The following BAALC variants were observed in gnomAD, a reference collection of about 807,000 sequenced individuals.
BAALC encodes brain and acute leukemia cytoplasmic protein.
A neutral mutation model predicts 15.5 loss-of-function variants in BAALC; 9 were observed. That is an observed-to-expected ratio of 0.58 (90% CI 0.35 to 1.02). BAALC has a LOEUF of 1.02. BAALC is among the 50% of genes least tolerant of loss of function. The pLI is 0.02. For missense variants in BAALC, 201 were observed against 192.4 expected, an observed-to-expected ratio of 1.04 and a Z score of -0.27; for synonymous variants, 80 against 74.6, an observed-to-expected ratio of 1.07 and a Z score of -0.37.
Position 103,140,915 on chromosome 8 carries a change from C to T in BAALC, c.18C>T (p.Ser6=), listed in dbSNP as rs762540525. ...GCAGGAGGATGGGCTGCGGCGGGAG[C>T]CGGGCGGATGCCATCGAGCCCCGCT... MGCGG[S]RADAIEPRYY... Residue 6 remains serine (S), a synonymous_variant, in exon 1 of 3, where the codon AGC becomes AGT. Coordinates refer to ENST00000309982, the MANE Select transcript of BAALC (RefSeq NM_024812.3). This position sits in a 1 kb window ranked among gnomAD's most constrained non-coding sequence, Gnocchi z 4.2. 2.6e-6 allele frequency: 4 copies of T among 1,518,170 alleles called. No individual in the cohort carries two copies. Among genetic ancestry groups the T allele is most frequent in the African/African-American group, 2.9e-5 (2 of 69,126 alleles). The allele number at this position is 1,518,170 out of a possible 1,614,324, so 94.0% of individuals were successfully genotyped here. A position where few individuals can be genotyped will look rare whatever the true frequency, so the allele number is the denominator to read the frequency against.
intron 1 of BAALC, among the ~76,000 whole-genome samples, chr8:103,193,989 A>G: frequency 6.6e-6 from 1 of 152,248 alleles, no homozygotes; most frequent in East Asian, 1.9e-4. Flanking sequence ...GAGATATGCC[A>G]ATGAAGAAAG....
chr8:103,226,859 T>C (rs1812817182), intron 2 of BAALC, among the ~76,000 whole-genome samples: 1 of 152,100 alleles, frequency 6.6e-6, no homozygotes, highest in Admixed American at 6.6e-5. Context: ...AGAGAGATAA[T>C]ATTATTATTC....
At chr8:103,192,114 C>G (rs1324374107) in intron 1 of BAALC, among the ~76,000 whole-genome samples, 1 of 152,112 alleles carries the variant, frequency 6.6e-6, no homozygotes, top group East Asian at 1.9e-4. Flanking sequence ...TGCAATGGTG[C>G]GATCTCAGCT....
intron 1 of BAALC, among the ~76,000 whole-genome samples, chr8:103,197,636 C>T (rs1812124292): frequency 6.6e-6 from 1 of 152,158 alleles, no homozygotes. Flanking sequence ...CATGGTTCTG[C>T]AGGCTTTACA....
intron 2 of BAALC, among the ~76,000 whole-genome samples, chr8:103,222,206 A>C (rs1812691770): frequency 6.6e-6 from 1 of 152,060 alleles, no homozygotes; most frequent in Non-Finnish European, 1.5e-5. Context: ...GCAGGTTGTA[A>C]ATTTTTTACA....
At chr8:103,198,877 C>A (rs1812152649) in intron 1 of BAALC, among the ~76,000 whole-genome samples, 1 of 152,206 alleles carries the variant, frequency 6.6e-6, no homozygotes, top group Non-Finnish European at 1.5e-5. Context: ...TGCCACTGCA[C>A]TCCAGCCTAG....
chr8:103,190,247 G>C (rs551239462), intron 1 of BAALC, among the ~76,000 whole-genome samples: 2 of 152,302 alleles, frequency 1.3e-5, no homozygotes, highest in South Asian at 4.2e-4. Context: ...ATGTGAGAAA[G>C]TTAGACTTTC....
intron 1 of BAALC, among the ~76,000 whole-genome samples, chr8:103,205,476 C>T (rs1472906320): frequency 6.6e-6 from 1 of 152,170 alleles, no homozygotes; most frequent in African/African-American, 2.4e-5. Context: ...AAAAAATATA[C>T]ATGAGTACTT....
intron 1 of BAALC, among the ~76,000 whole-genome samples, chr8:103,205,387 T>C (rs1353989670): frequency 6.6e-6 from 1 of 152,208 alleles, no homozygotes; most frequent in Non-Finnish European, 1.5e-5. Context: ...GAATGAAAAT[T>C]TTGTGAAGGG....
At chr8:103,162,451 C>T (rs566698283) in intron 1 of BAALC, among the ~76,000 whole-genome samples, 17 of 152,278 alleles carry the variant, frequency 1.1e-4, no homozygotes, top group African/African-American at 3.8e-4. Flanking sequence ...GCATCTCTCT[C>T]GGTACAGTCC....
At chr8:103,218,397 CCTT>C (rs1461141853) in intron 2 of BAALC, among the ~76,000 whole-genome samples, 1 of 152,046 alleles carries the variant, frequency 6.6e-6, no homozygotes, top group African/African-American at 2.4e-5. Context: ...GGCTTGGTCT[CCTT>C]CATCCTACTC....
At chr8:103,146,382 C>T (rs1309780199) in intron 1 of BAALC, among the ~76,000 whole-genome samples, 2 of 152,192 alleles carry the variant, frequency 1.3e-5, no homozygotes, top group African/African-American at 2.4e-5. Flanking sequence ...GATAAACCCC[C>T]TCCACCCACA....
intron 1 of BAALC, among the ~76,000 whole-genome samples, chr8:103,175,752 G>A (rs753380003): frequency 6.6e-6 from 1 of 152,306 alleles, no homozygotes; most frequent in Non-Finnish European, 1.5e-5. Flanking sequence ...ACCCCAAGGT[G>A]GCTTTTGAGA....
At chr8:103,155,046 G>T (rs561914713) in intron 1 of BAALC, among the ~76,000 whole-genome samples, 2 of 151,488 alleles carry the variant, frequency 1.3e-5, no homozygotes, top group African/African-American at 4.9e-5. Flanking sequence ...ATTCCACTTC[G>T]CCAATTAAAC....
At chr8:103,205,473 A>G (rs1056943678) in intron 1 of BAALC, among the ~76,000 whole-genome samples, 1 of 152,240 alleles carries the variant, frequency 6.6e-6, no homozygotes, top group East Asian at 1.9e-4. Context: ...TGGAAAAAAT[A>G]TACATGAGTA....
At chr8:103,150,918 A>G (rs1338102060) in intron 1 of BAALC, among the ~76,000 whole-genome samples, 1 of 152,168 alleles carries the variant, frequency 6.6e-6, no homozygotes, top group East Asian at 1.9e-4. Context: ...AACAAGGATC[A>G]TGACCTCGGG....
chr8:103,193,117 A>G (rs753636906), intron 1 of BAALC, among the ~76,000 whole-genome samples: 11 of 152,134 alleles, frequency 7.2e-5, no homozygotes, highest in Non-Finnish European at 1.3e-4. Context: ...CCAAGCCCCC[A>G]ATTATCTGTC....
At chr8:103,217,898 G>A (rs1184249141) in intron 2 of BAALC, among the ~76,000 whole-genome samples, 1 of 152,226 alleles carries the variant, frequency 6.6e-6, no homozygotes, top group Non-Finnish European at 1.5e-5. Context: ...AGAAAAGACA[G>A]ACATGGCTTT....
At chr8:103,168,519 T>G (rs912303469) in intron 1 of BAALC, among the ~76,000 whole-genome samples, 5 of 152,130 alleles carry the variant, frequency 3.3e-5, no homozygotes, top group African/African-American at 9.7e-5. Context: ...TTGTTTTTTT[T>G]TTTTTAATGT....
Sources: allele counts gnomAD v4.1 joint callset (sites outside exome capture counted in the v4.1 genomes callset), GRCh38; gene constraint gnomAD v4.1.1; non-coding constraint Gnocchi (gnomAD v3.1); transcripts MANE v1.5; gene names NCBI Gene and HGNC (gene_info 2026-07-23, HGNC 2026-07-21).